Variants in LIFR observed in about 807,000 individuals in gnomAD.
The protein encoded by LIFR is leukemia inhibitory factor receptor.
A neutral mutation model predicts 122.2 loss-of-function variants in LIFR; 84 were observed. The observed-to-expected ratio is 0.69, with a 90% CI of 0.58 to 0.82. The LOEUF (loss-of-function observed/expected upper bound fraction) is 0.82, where lower values mean the gene tolerates loss of function less well. Among genes scored for constraint, LIFR ranks in the 40% least tolerant of loss-of-function variants. The probability of loss-of-function intolerance (pLI) is 0.00; values close to 1 mark genes in which losing one functional copy is unlikely to be tolerated. For missense variants in LIFR, 1,294 were observed against 1,311.6 expected, an observed-to-expected ratio of 0.99 and a Z score of 0.21; for synonymous variants, 422 against 434.7, an observed-to-expected ratio of 0.97 and a Z score of 0.36.
rs1743958642 is a variant in LIFR, at chr5:38,481,062, A to G, written c.*533T>C. On this transcript the variant is annotated 3_prime_UTR_variant, in exon 20 of 20. Coordinates refer to ENST00000453190, the MANE Select transcript of LIFR (RefSeq NM_001127671.2). ...AATCGCTGTCACTACATTAAAAATT[A>G]TATTAATTTTTGTGAATGCTGTGGA... is the stretch of plus-strand genomic sequence containing the variant. 4.4e-6 allele frequency: 1 copy of G among 229,460 alleles called. No homozygotes were observed. The highest frequency in any genetic ancestry group is 8.7e-6 in the Non-Finnish European group (1 of 115,224). The allele number at this position is 229,460 out of a possible 1,614,324, so 14.2% of individuals were successfully genotyped here. A position where few individuals can be genotyped will look rare whatever the true frequency, so the allele number is the denominator to read the frequency against.
At chr5:38,513,807 A>AT (rs1441996905) in intron 5 of LIFR, among the ~76,000 whole-genome samples, 2 of 152,224 alleles carry the variant, frequency 1.3e-5, no homozygotes, top group Non-Finnish European at 2.9e-5. Context: ...TTCCAATTAG[A>AT]TTAAAAAAAA....
chr5:38,534,816 TACGGGTGTACATGAGAC>T lies in LIFR; in HGVS notation c.-19-4167_-19-4151del, dbSNP rs113974031. 4.3e-4 allele frequency among the ~76,000 whole-genome samples: 66 copies of T among 152,268 alleles called. 1 individual carries two copies. The highest frequency in any genetic ancestry group is 1.6e-3 in the African/African-American group (65 of 41,546). On this transcript the variant is annotated intron_variant, in intron 1 of 19. Coordinates refer to ENST00000453190, the MANE Select transcript of LIFR (RefSeq NM_001127671.2). ...TGACAGCACCACCTCCAGAGCAGGT[TACGGGTGTACATGAGAC>T]ACTGGGTGTGTGACCCATAAATATT...
intron 2 of LIFR, among the ~76,000 whole-genome samples, chr5:38,605,571 A>C (rs888090461): frequency 3.9e-5 from 6 of 152,218 alleles, no homozygotes; most frequent in Non-Finnish European, 7.3e-5. Context: ...ACAAAGCCAA[A>C]GGGAAAAGCC....
chr5:38,564,707 TAC>T (rs1037004745), intron 1 of LIFR, among the ~76,000 whole-genome samples: 1 of 147,770 alleles, frequency 6.8e-6, no homozygotes, highest in African/African-American at 2.5e-5. Context: ...TGTATATATA[TAC>T]ACACAATATA....
chr5:38,571,845 G>A (rs564889832), intron 1 of LIFR, among the ~76,000 whole-genome samples: 5 of 152,158 alleles, frequency 3.3e-5, no homozygotes, highest in African/African-American at 1.2e-4. Context: ...CTCTAAGAGA[G>A]GCCTAAAACA....
In LIFR at chr5:38,479,479, T is replaced by C. The variant is rs1406425840; in HGVS notation, c.*2116A>G. The C allele has an allele frequency of 4.3e-6, 1 of 230,336 alleles. No homozygotes were observed. Among genetic ancestry groups the C allele is most frequent in the African/African-American group, 2.2e-5 (1 of 45,206 alleles). 14.3% of individuals were successfully genotyped at this position (230,336 alleles called of 1,614,324 possible). On this transcript the variant is annotated 3_prime_UTR_variant, in exon 20 of 20. Transcript: ENST00000453190. ...TCGTTATATAGGTTAGAAAGGGCCC[T>C]GGATCCAGATGGTCACAGTTGAAAT...
intron 1 of LIFR, among the ~76,000 whole-genome samples, chr5:38,538,997 G>A (rs1017627026): frequency 5.9e-5 from 9 of 151,684 alleles, no homozygotes; most frequent in African/African-American, 2.2e-4. Flanking sequence ...GTCTCGCTCT[G>A]TCACCCAGGC....
chr5:38,532,653 T>C (rs1169965893), intron 1 of LIFR, among the ~76,000 whole-genome samples: 1 of 152,164 alleles, frequency 6.6e-6, no homozygotes, highest in Non-Finnish European at 1.5e-5. Flanking sequence ...TGTGATACAT[T>C]TACACAGAGA....
At chr5:38,599,566 T>C (rs1457802220), upstream of LIFR, among the ~76,000 whole-genome samples, 2 of 152,124 alleles carry the variant, frequency 1.3e-5, no homozygotes, top group Non-Finnish European at 1.5e-5. Context: ...TAGAGAGGGA[T>C]AAAAGTGTGG....
At chr5:38,606,567 G>A (rs912264553) in intron 1 of LIFR, among the ~76,000 whole-genome samples, 2 of 152,106 alleles carry the variant, frequency 1.3e-5, no homozygotes, top group African/African-American at 4.8e-5. Context: ...CTATATTGCC[G>A]GCACCTACTG....
chr5:38,530,448 C>A, intron 2 of LIFR, 58 bp downstream of exon 2: 1 of 1,497,244 alleles, frequency 6.7e-7, no homozygotes, highest in South Asian at 1.1e-5. Context: ...ATTGCTTCGT[C>A]ATCAAAATGG....
chr5:38,535,906 G>A (rs546517078), intron 1 of LIFR, among the ~76,000 whole-genome samples: 1 of 152,286 alleles, frequency 6.6e-6, no homozygotes, highest in Admixed American at 6.5e-5. Context: ...AGACACCAAA[G>A]CAAACTGACA....
intron 1 of LIFR, chr5:38,550,368 A>G: frequency 3.7e-6 from 1 of 273,244 alleles, no homozygotes; most frequent in Non-Finnish European, 5.6e-6. Context: ...AATACAAAAT[A>G]TAAAACTTAA....
intron 12 of LIFR, among the ~76,000 whole-genome samples, chr5:38,497,498 T>TG (rs1561144238): frequency 1.3e-5 from 2 of 152,256 alleles, no homozygotes; most frequent in Admixed American, 1.3e-4. Context: ...CCAGAAGCAC[T>TG]GCTCTACTTA....
At chr5:38,603,372 CTAT>C (rs1750259494) in intron 2 of LIFR, among the ~76,000 whole-genome samples, 1 of 152,178 alleles carries the variant, frequency 6.6e-6, no homozygotes, top group Non-Finnish European at 1.5e-5. Flanking sequence ...ACCAGTCACA[CTAT>C]GAGTTATTTT....
chr5:38,573,836 G>A (rs1749293926), intron 1 of LIFR, among the ~76,000 whole-genome samples: 1 of 152,064 alleles, frequency 6.6e-6, no homozygotes, highest in African/African-American at 2.4e-5. Context: ...AGCAATCAAG[G>A]GGCTGGGTGC....
At chr5:38,574,373 C>CGGACT (rs964483751) in intron 1 of LIFR, among the ~76,000 whole-genome samples, 3 of 152,146 alleles carry the variant, frequency 2.0e-5, no homozygotes, top group Non-Finnish European at 4.4e-5. Flanking sequence ...CCAGACCCCC[C>CGGACT]GGACTGGTTA....
chr5:38,485,274 C>T (rs1036594637), intron 17 of LIFR, among the ~76,000 whole-genome samples: 6 of 152,150 alleles, frequency 3.9e-5, no homozygotes, highest in Non-Finnish European at 5.9e-5. Flanking sequence ...AATCACTCTC[C>T]GTTGAGAATC....
chr5:38,599,998 A>G (rs191065816), upstream of LIFR, among the ~76,000 whole-genome samples: 2 of 152,294 alleles, frequency 1.3e-5, no homozygotes, highest in East Asian at 1.9e-4. Flanking sequence ...CATTTTTACA[A>G]TCTATTCTCT....
Sources: gnomAD v4.1 joint callset for allele counts (sites outside exome capture counted in the v4.1 genomes callset) on GRCh38, gnomAD v4.1.1 for gene constraint, MANE v1.5 for transcripts, NCBI Gene and HGNC (gene_info 2026-07-23, HGNC 2026-07-21) for gene names.